The following PDE1C variants were observed in gnomAD, a reference collection of about 807,000 sequenced individuals.
PDE1C encodes phosphodiesterase 1C, also known as dual specificity calcium/calmodulin-dependent 3',5'-cyclic nucleotide phosphodiesterase 1C.
PDE1C carries 62 observed loss-of-function variants against 93.1 expected under a neutral mutation model. That is an observed-to-expected ratio of 0.67 (90% confidence interval 0.54 to 0.82). PDE1C has a LOEUF of 0.82. Among genes scored for constraint, PDE1C ranks in the 40% least tolerant of loss-of-function variants. The pLI, the probability that PDE1C is intolerant of heterozygous loss-of-function variation, is 0.00. For synonymous variants in PDE1C, 325 were observed against 310.1 expected, an observed-to-expected ratio of 1.05 and a Z score of -0.50; for missense variants, 742 against 884.6, an observed-to-expected ratio of 0.84 and a Z score of 2.04.
intron 1 of PDE1C, among the ~76,000 whole-genome samples, chr7:32,210,924 G>T (rs1054459108): frequency 3.3e-5 from 5 of 152,144 alleles, no homozygotes; most frequent in African/African-American, 1.2e-4. Context: ...TTCAAAAAAA[G>T]AAAGAAATGG....
rs558578313 is a variant in PDE1C at position 32,204,192 on chromosome 7, G to A, written c.136+5297C>T. ...ACTGGACAAAGGGAGGATTAACATC[G>A]TGGGTGGGGCAGAGTGAGATTTCAT... On this transcript the variant is annotated intron_variant, in intron 2 of 18. Coordinates refer to the PDE1C transcript ENST00000396193. 3.9e-5 allele frequency among the ~76,000 whole-genome samples: 6 copies of A among 152,254 alleles called. No homozygotes were observed. In the East Asian group the frequency reaches 9.7e-4, roughly 25 times the overall value.
chr7:32,041,489 AC>A (rs1337785264), intron 2 of PDE1C, among the ~76,000 whole-genome samples: 1 of 152,218 alleles, frequency 6.6e-6, no homozygotes, highest in African/African-American at 2.4e-5. Context: ...GTGTGACTTC[AC>A]TTGTGGAATA....
intron 2 of PDE1C, among the ~76,000 whole-genome samples, chr7:31,988,540 AT>A (rs752747480): frequency 2.2e-4 from 34 of 152,144 alleles, no homozygotes; most frequent in Non-Finnish European, 4.6e-4. Context: ...TTGGGCCTCT[AT>A]AATTTTTTTT....
intron 2 of PDE1C, among the ~76,000 whole-genome samples, chr7:31,931,816 T>A (rs1455079820): frequency 6.6e-6 from 1 of 152,146 alleles, no homozygotes; most frequent in Non-Finnish European, 1.5e-5. Context: ...CCTGAAGGCA[T>A]CACACTACCT....
chr7:32,217,418 G>C (rs768145066), intron 1 of PDE1C, among the ~76,000 whole-genome samples: 10 of 152,200 alleles, frequency 6.6e-5, no homozygotes, highest in South Asian at 4.1e-4. Flanking sequence ...CTGTTTAATT[G>C]TTGCGTGAGG....
intron 3 of PDE1C, among the ~76,000 whole-genome samples, chr7:32,078,370 C>T (rs564196376): frequency 3.3e-5 from 5 of 152,268 alleles, no homozygotes; most frequent in Admixed American, 6.5e-5. Context: ...CCACTTCCAA[C>T]GGAGGACTGG....
rs146380937 is a variant in PDE1C, at chr7:32,339,791, A to G, written c.310+88031T>C. On this transcript the variant is annotated intron_variant, in intron 1 of 1. Coordinates refer to the PDE1C transcript ENST00000672256. ...CAGAGCAGGAGGAGGGGATGGGGTCAAGGTTGGCAGGGCCAAGATGAGGGC... is the reference window on the plus strand; with the variant it reads ...CAGAGCAGGAGGAGGGGATGGGGTCGAGGTTGGCAGGGCCAAGATGAGGGC... Among the ~76,000 whole-genome samples, 229 of 152,260 alleles carry G rather than the reference A, an allele frequency of 1.5e-3. 1 individual carries two copies. Among genetic ancestry groups the G allele is most frequent in the African/African-American group, 5.3e-3 (221 of 41,550 alleles).
At chr7:32,187,402 T>C (rs1803954670) in intron 2 of PDE1C, among the ~76,000 whole-genome samples, 1 of 152,198 alleles carries the variant, frequency 6.6e-6, no homozygotes, top group African/African-American at 2.4e-5. Context: ...GTGTCTGAGG[T>C]GATGAGATTA....
intron 7 of PDE1C, among the ~76,000 whole-genome samples, chr7:31,858,616 T>C (rs1794300663): frequency 6.6e-6 from 1 of 152,162 alleles, no homozygotes; most frequent in Admixed American, 6.5e-5. Context: ...CCTTATGTTA[T>C]TTTTAAGAAA....
intron 1 of PDE1C, among the ~76,000 whole-genome samples, chr7:32,344,928 C>T (rs1242921745): frequency 6.6e-6 from 1 of 152,100 alleles, no homozygotes; most frequent in African/African-American, 2.4e-5. Flanking sequence ...CCAAGTCATC[C>T]CTTTATCACT....
At chr7:31,821,847 C>A (rs972932656) in intron 14 of PDE1C, among the ~76,000 whole-genome samples, 3 of 152,064 alleles carry the variant, frequency 2.0e-5, no homozygotes, top group African/African-American at 7.2e-5. Flanking sequence ...AGAAGCAGAA[C>A]CCCCAGCCCC....
chr7:31,892,648 A>G (rs1020161994), intron 2 of PDE1C, among the ~76,000 whole-genome samples: 1 of 152,072 alleles, frequency 6.6e-6, no homozygotes, highest in Non-Finnish European at 1.5e-5. Flanking sequence ...AGTAACCACC[A>G]TTCTATGTTC....
At chr7:31,704,830 T>A in the PDE1C span, among the ~76,000 whole-genome samples, 1 of 152,294 alleles carries the variant, frequency 6.6e-6, no homozygotes, top group East Asian at 1.9e-4. Context: ...ATCCCTTTAA[T>A]GGTGCACCTC....
chr7:32,282,862 G>A (rs1010884090), intron 1 of PDE1C, among the ~76,000 whole-genome samples: 2 of 152,158 alleles, frequency 1.3e-5, no homozygotes, highest in Admixed American at 6.5e-5. Context: ...TTACAGGCAT[G>A]AGCCACTGTG....
chr7:31,806,491 A>G (rs1288394410), intron 16 of PDE1C, among the ~76,000 whole-genome samples: 2 of 151,994 alleles, frequency 1.3e-5, no homozygotes, highest in Admixed American at 6.6e-5. Context: ...GGTACTTTCA[A>G]AGGACATCCA....
chr7:31,984,260 C>T (rs144542607), intron 2 of PDE1C, among the ~76,000 whole-genome samples: 237 of 152,230 alleles, frequency 1.6e-3, no homozygotes, highest in East Asian at 7.0e-3. Context: ...CATAGTAGCA[C>T]GAACCCTACT....
intron 2 of PDE1C, among the ~76,000 whole-genome samples, chr7:32,022,724 C>T (rs1788851948): frequency 6.6e-6 from 1 of 151,598 alleles, no homozygotes; most frequent in Admixed American, 6.6e-5. Context: ...TATAATTATT[C>T]CTATTGCAAA....
At chr7:31,708,668 C>A in the PDE1C span, among the ~76,000 whole-genome samples, 2 of 152,156 alleles carry the variant, frequency 1.3e-5, no homozygotes, top group Non-Finnish European at 2.9e-5. Flanking sequence ...AGATTCTCTT[C>A]GAAAAATATC....
chr7:32,389,384 T>C (rs1001949178), intron 1 of PDE1C, among the ~76,000 whole-genome samples: 3 of 152,168 alleles, frequency 2.0e-5, no homozygotes, highest in African/African-American at 7.2e-5. Context: ...GCTCGACTAA[T>C]TTTTGTATTC....
Sources: allele counts gnomAD v4.1 joint callset (sites outside exome capture counted in the v4.1 genomes callset), GRCh38; gene constraint gnomAD v4.1.1; transcripts MANE v1.5; gene names NCBI Gene and HGNC (gene_info 2026-07-23, HGNC 2026-07-21).